Variants in FBRSL1 observed in about 807,000 individuals in gnomAD.
FBRSL1 encodes fibrosin-1-like protein.
Under a neutral mutation model 89.6 loss-of-function variants are expected in FBRSL1, and 51 were observed. That is an observed-to-expected ratio of 0.57 (90% CI 0.45 to 0.72). The LOEUF (loss-of-function observed/expected upper bound fraction) is 0.72. Among genes scored for constraint, FBRSL1 ranks in the 30% least tolerant of loss-of-function variants. The pLI is 0.00. For synonymous variants in FBRSL1, 779 were observed against 681.1 expected (o/e 1.14, Z -2.24); for missense variants, 1,618 against 1,451.8 (o/e 1.11, Z -1.86).
chr12:132,525,605 C>T lies in FBRSL1; in HGVS notation c.490-129C>T, dbSNP rs373130094. On this transcript the variant is annotated intron_variant, in intron 2 of 18. Coordinates refer to ENST00000680143, the MANE Select transcript of FBRSL1 (RefSeq NM_001367871.1). ...GCTCGTCACATCCCAAAGCGCCCAGCGGCTGTCGGGGCGCCTGGGGCCGGG... is the reference window on the plus strand; with the variant it reads ...GCTCGTCACATCCCAAAGCGCCCAGTGGCTGTCGGGGCGCCTGGGGCCGGG... The T allele has an allele frequency of 1.6e-3, 1,093 of 704,488 alleles. 22 individuals are homozygous for T. In the South Asian group the frequency reaches 0.018, roughly 12 times the overall value. 43.6% of individuals were successfully genotyped at this position (704,488 alleles called of 1,614,324 possible).
At chr12:132,578,518 A>G (rs1016832592) in intron 15 of FBRSL1, among the ~76,000 whole-genome samples, 46 of 152,258 alleles carry the variant, frequency 3.0e-4, no homozygotes, top group Middle Eastern at 3.4e-3. Flanking sequence ...ATCTGTGTCT[A>G]AGTGGCCCGC....
At chr12:132,496,831 C>G (rs762107161) in intron 1 of FBRSL1, among the ~76,000 whole-genome samples, 3 of 141,180 alleles carry the variant, frequency 2.1e-5, no homozygotes, top group Non-Finnish European at 4.7e-5. Context: ...GCGCTTCCTT[C>G]CCAGGCCCTG....
intron 5 of FBRSL1, among the ~76,000 whole-genome samples, chr12:132,548,333 C>T (rs948485941): frequency 6.6e-6 from 1 of 152,170 alleles, no homozygotes; most frequent in African/African-American, 2.4e-5. Context: ...TGGGGTCGAG[C>T]ACATCAGCTC....
chr12:132,504,273 A>C (rs1054587338), intron 1 of FBRSL1, among the ~76,000 whole-genome samples: 4 of 152,304 alleles, frequency 2.6e-5, no homozygotes, highest in African/African-American at 9.6e-5. Flanking sequence ...GTGCTGAGGT[A>C]GAATTATTTT....
intron 1 of FBRSL1, among the ~76,000 whole-genome samples, chr12:132,492,153 C>T (rs1440234731): frequency 6.6e-6 from 1 of 152,190 alleles, no homozygotes; most frequent in Non-Finnish European, 1.5e-5. Flanking sequence ...GCTGAGACCA[C>T]GAGGATGCCC....
chr12:132,548,168 G>A (rs1011453375), intron 5 of FBRSL1, 136 bp downstream of exon 5: 17 of 1,031,602 alleles, frequency 1.6e-5, no homozygotes, highest in Admixed American at 1.2e-4. Context: ...GTGGGTGCAG[G>A]GGGCTTGTGG....
At chr12:132,497,252 C>A (rs1165979946) in intron 1 of FBRSL1, among the ~76,000 whole-genome samples, 2 of 152,182 alleles carry the variant, frequency 1.3e-5, no homozygotes, top group African/African-American at 4.8e-5. Context: ...CCCAAGTCAG[C>A]ATGGTTTGGG....
At chr12:132,515,508 T>A (rs1423023296) in intron 2 of FBRSL1, among the ~76,000 whole-genome samples, 1 of 149,704 alleles carries the variant, frequency 6.7e-6, no homozygotes, top group Non-Finnish European at 1.5e-5. Context: ...GTCTAGAATC[T>A]TAAGGTTTTA....
chr12:132,544,804 A>G (rs1450027985), intron 4 of FBRSL1, among the ~76,000 whole-genome samples: 3 of 151,434 alleles, frequency 2.0e-5, no homozygotes, highest in African/African-American at 4.9e-5. Context: ...GATGGTGGCA[A>G]TGGCGAGGAT....
At chr12:132,555,153 T>C (rs2038503776) in intron 5 of FBRSL1, among the ~76,000 whole-genome samples, 1 of 152,120 alleles carries the variant, frequency 6.6e-6, no homozygotes, top group South Asian at 2.1e-4. Flanking sequence ...CTGAATTCAA[T>C]GCATTTGGGG....
chr12:132,510,104 C>T (rs2034162007), intron 2 of FBRSL1: 3 of 1,225,712 alleles, frequency 2.4e-6, no homozygotes, highest in Non-Finnish European at 3.1e-6. Context: ...CGCTCATGGG[C>T]CCGGAGCAGC....
chr12:132,565,047 G>A (rs1388907867), intron 5 of FBRSL1: 4 of 152,220 alleles, frequency 2.6e-5, no homozygotes, highest in African/African-American at 9.7e-5. Context: ...AGATCAGGGG[G>A]ACAGACAAGC....
At chr12:132,535,289 A>G (rs1280256336) in intron 4 of FBRSL1, among the ~76,000 whole-genome samples, 1 of 152,218 alleles carries the variant, frequency 6.6e-6, no homozygotes, top group Non-Finnish European at 1.5e-5. Flanking sequence ...GCCATCTTTT[A>G]TTCATTCCCT....
chr12:132,550,843 G>C (rs975202525), intron 5 of FBRSL1: 1 of 156,278 alleles, frequency 6.4e-6, no homozygotes, highest in African/African-American at 2.4e-5. Flanking sequence ...GTTTGGGAGA[G>C]TTGGGAGGGC....
intron 2 of FBRSL1, chr12:132,510,254 C>A (rs562843046): frequency 8.1e-7 from 1 of 1,231,884 alleles, no homozygotes; most frequent in Non-Finnish European, 1.0e-6. Context: ...GGCAGCCGGG[C>A]CCACCCTGCC....
At chr12:132,511,916 G>A in intron 2 of FBRSL1, 3 of 982,452 alleles carry the variant, frequency 3.1e-6, no homozygotes, top group Non-Finnish European at 3.6e-6. Flanking sequence ...TCTGATTAAA[G>A]AAAATAAAAA....
At chr12:132,527,847 CG>C (rs1359611833) in intron 3 of FBRSL1, 105 bp from the exon 4 acceptor site, 3 of 1,064,008 alleles carry the variant, frequency 2.8e-6, no homozygotes, top group Middle Eastern at 2.2e-4. Context: ...TGCAGGGCTG[CG>C]GGGCAGGGCT....
chr12:132,581,052 G>A (rs889760409), intron 15 of FBRSL1: 1 of 985,480 alleles, frequency 1.0e-6, no homozygotes, highest in South Asian at 4.7e-5. Flanking sequence ...ATTAAGAAGT[G>A]AGGACCATCT....
intron 1 of FBRSL1, among the ~76,000 whole-genome samples, chr12:132,493,190 C>G (rs1341577009): frequency 6.6e-6 from 1 of 152,236 alleles, no homozygotes; most frequent in Non-Finnish European, 1.5e-5. Context: ...ACACGGGACA[C>G]CGAGGGAGAT....
Sources: allele counts gnomAD v4.1 joint callset (sites outside exome capture counted in the v4.1 genomes callset), GRCh38; gene constraint gnomAD v4.1.1; transcripts MANE v1.5; gene names NCBI Gene and HGNC (gene_info 2026-07-23, HGNC 2026-07-21).